Variants in DNAJC1 observed in about 807,000 individuals in gnomAD.
DNAJC1 encodes dnaJ homolog subfamily C member 1.
A neutral mutation model predicts 76.6 loss-of-function variants in DNAJC1; 58 were observed. That is an observed-to-expected ratio of 0.76 (90% CI 0.61 to 0.94). DNAJC1 has a LOEUF of 0.94. DNAJC1 is among the 40% of genes least tolerant of loss of function. DNAJC1 has a pLI of 0.00. For missense variants in DNAJC1, 689 were observed against 677.3 expected, an observed-to-expected ratio of 1.02 and a Z score of -0.19; for synonymous variants, 258 against 267.9, an observed-to-expected ratio of 0.96 and a Z score of 0.36.
chr10:21,810,149 C>T (rs943214957), intron 8 of DNAJC1, among the ~76,000 whole-genome samples: 6 of 152,064 alleles, frequency 3.9e-5, no homozygotes, highest in Admixed American at 6.6e-5. Flanking sequence ...CACACAATTC[C>T]GTTCAGAATA....
At chr10:21,812,001 T>C (rs1834974347) in intron 8 of DNAJC1, among the ~76,000 whole-genome samples, 1 of 152,196 alleles carries the variant, frequency 6.6e-6, no homozygotes, top group Non-Finnish European at 1.5e-5. Context: ...TTGACCATTC[T>C]GGTGGGACTG....
chr10:21,928,519 C>T lies in DNAJC1; in HGVS notation c.358G>A (p.Glu120Lys), dbSNP rs1266627732. 5 of 1,613,024 alleles carry T rather than the reference C, an allele frequency of 3.1e-6. No individual in the cohort carries two copies. The highest frequency in any genetic ancestry group is 1.7e-5 in the Admixed American group (1 of 59,970). The change falls in exon 3 of 12, where the codon GAA becomes AAA. Residue 120 changes from glutamate (E) to lysine (K), a missense_variant. Coordinates refer to ENST00000376980, the MANE Select transcript of DNAJC1 (RefSeq NM_022365.4). ...ATGAACACTCACCTCTGCCTTCGTT[C>T]ATCATCCTTTAAAACTTCATAAATG... ...VAIYEVLKDD[E>K]RRQRYDDILI...
intron 1 of DNAJC1, among the ~76,000 whole-genome samples, chr10:21,934,326 C>T (rs1157458297): frequency 6.6e-6 from 1 of 151,608 alleles, no homozygotes; most frequent in Non-Finnish European, 1.5e-5. Flanking sequence ...AGTGTTATTA[C>T]AAAAAGTTAA....
intron 8 of DNAJC1, among the ~76,000 whole-genome samples, chr10:21,855,565 AG>A: frequency 6.6e-6 from 1 of 152,180 alleles, no homozygotes; most frequent in Non-Finnish European, 1.5e-5. Flanking sequence ...TTCAGTAGCA[AG>A]TTGATATTAT....
Position 21,920,133 on chromosome 10 carries a change from G to A in DNAJC1, c.538-204C>T, listed in dbSNP as rs942511620. Among the ~76,000 whole-genome samples, 12 of 152,056 alleles carry A rather than the reference G, an allele frequency of 7.9e-5. No homozygotes were observed. The East Asian group carries it at 2.1e-3, about 27-fold the overall frequency. ...GGCCTTAAACACACATGAAGTTCAG[G>A]ACTGTCAGTCATGTGCATCTCCATA... On this transcript the variant is annotated intron_variant, in intron 4 of 11. Coordinates refer to ENST00000376980, the MANE Select transcript of DNAJC1 (RefSeq NM_022365.4).
At chr10:21,836,385 A>G (rs879861067) in intron 8 of DNAJC1, among the ~76,000 whole-genome samples, 21 of 152,228 alleles carry the variant, frequency 1.4e-4, no homozygotes, top group Non-Finnish European at 2.1e-4. Flanking sequence ...GCCAAACTGT[A>G]AAGACCATCA....
At position 21,932,248 on chromosome 10, in the gene DNAJC1, G is replaced by A. The variant is rs369159530; in HGVS notation, c.223-3107C>T. The stretch of plus-strand genomic sequence containing the variant: ...CCAGCTACTTGGGAGGCTGAGGTGG[G>A]GGTGTTACTTGAGCCCAGGAGGTTG... On this transcript the variant is annotated intron_variant, in intron 1 of 11. Coordinates refer to ENST00000376980, the MANE Select transcript of DNAJC1 (RefSeq NM_022365.4). Among the ~76,000 whole-genome samples the A allele has an allele frequency of 3.9e-5, 6 of 152,254 alleles. No individual in the cohort carries two copies. The East Asian group carries it at 7.7e-4, about 20-fold the overall frequency.
rs573959286 is a variant in DNAJC1 at position 21,771,274 on chromosome 10, C to A, written c.1099-4965G>T. On this transcript the variant is annotated intron_variant, in intron 9 of 11. Coordinates refer to ENST00000376980, the MANE Select transcript of DNAJC1 (RefSeq NM_022365.4). ...TTACTTCTTTTTTTCCATCTTATTTCTTTTTCTTGCCTAAATGCCCTGGCT... is the reference window on the plus strand; with the variant it reads ...TTACTTCTTTTTTTCCATCTTATTTATTTTTCTTGCCTAAATGCCCTGGCT... 8.5e-5 allele frequency among the ~76,000 whole-genome samples: 13 copies of A among 152,144 alleles called. No homozygotes were observed. In the East Asian group the frequency reaches 1.3e-3, roughly 16 times the overall value.
chr10:21,792,067 A>G (rs1003875089), intron 9 of DNAJC1, among the ~76,000 whole-genome samples: 11 of 152,238 alleles, frequency 7.2e-5, no homozygotes, highest in Non-Finnish European at 1.5e-4. Flanking sequence ...TTTGGAGAGA[A>G]TATCAGCCAC....
intron 8 of DNAJC1, among the ~76,000 whole-genome samples, chr10:21,857,218 T>C (rs563788174): frequency 5.9e-5 from 9 of 152,316 alleles, no homozygotes; most frequent in Non-Finnish European, 7.4e-5. Context: ...TGAAGAGGGT[T>C]TGGCATAAGA....
intron 9 of DNAJC1, among the ~76,000 whole-genome samples, chr10:21,791,217 T>A (rs1834682328): frequency 6.6e-6 from 1 of 152,082 alleles, no homozygotes; most frequent in Non-Finnish European, 1.5e-5. Context: ...GCACCCAACA[T>A]TGGAGAAACC....
intron 4 of DNAJC1, 57 bp downstream of exon 4, chr10:21,920,741 C>G: frequency 6.7e-7 from 1 of 1,489,190 alleles, no homozygotes; most frequent in Admixed American, 2.1e-5. Context: ...AATAAATGTC[C>G]AAAATTCCAT....
intron 9 of DNAJC1, among the ~76,000 whole-genome samples, chr10:21,775,331 CTTT>C (rs34444920): frequency 1.6e-4 from 8 of 49,666 alleles, no homozygotes; most frequent in Middle Eastern, 0.022. Flanking sequence ...CTGCAAATGG[CTTT>C]TTTTTTTTTT....
At chr10:21,904,441 A>T in intron 7 of DNAJC1, 81 bp downstream of exon 7, 2 of 920,398 alleles carry the variant, frequency 2.2e-6, no homozygotes, top group Non-Finnish European at 3.1e-6. Flanking sequence ...AAATTTAATT[A>T]CTGCTGAATT....
chr10:21,774,523 G>A (rs1834429478), intron 9 of DNAJC1, among the ~76,000 whole-genome samples: 1 of 152,120 alleles, frequency 6.6e-6, no homozygotes, highest in Admixed American at 6.5e-5. Context: ...CACCTAGACT[G>A]GAGCGCAGTG....
At chr10:21,766,909 G>C (rs1035462924) in intron 9 of DNAJC1, among the ~76,000 whole-genome samples, 1 of 149,916 alleles carries the variant, frequency 6.7e-6, no homozygotes, top group African/African-American at 2.5e-5. Flanking sequence ...GGCGGAGGTT[G>C]CAGTAAGCTG....
At chr10:21,954,028 T>TCTG (rs1368642351) in intron 1 of DNAJC1, among the ~76,000 whole-genome samples, 1 of 152,068 alleles carries the variant, frequency 6.6e-6, no homozygotes, top group Non-Finnish European at 1.5e-5. Flanking sequence ...TAAAATTTTT[T>TCTG]CTGGGCATTT....
chr10:21,968,551 A>G (rs1323508015), intron 1 of DNAJC1, among the ~76,000 whole-genome samples: 1 of 150,092 alleles, frequency 6.7e-6, no homozygotes, highest in Non-Finnish European at 1.5e-5. Context: ...TCTGTCACCC[A>G]GGCTGGAGTG....
intron 9 of DNAJC1, among the ~76,000 whole-genome samples, chr10:21,791,279 TACA>T (rs1247564450): frequency 1.3e-5 from 2 of 152,260 alleles, no homozygotes; most frequent in South Asian, 2.1e-4. Flanking sequence ...TAGACTCCAA[TACA>T]ACAACAGTTG....
Sources: gnomAD v4.1 joint callset for allele counts (sites outside exome capture counted in the v4.1 genomes callset) on GRCh38, gnomAD v4.1.1 for gene constraint, MANE v1.5 for transcripts, NCBI Gene and HGNC (gene_info 2026-07-23, HGNC 2026-07-21) for gene names.